RBM20: variants seen among roughly 807,000 people sequenced by gnomAD.
The protein encoded by RBM20 is RNA-binding protein 20.
RBM20 carries 51 observed loss-of-function variants against 110.1 expected under a neutral mutation model. The observed-to-expected ratio is 0.46, with a 90% CI of 0.37 to 0.59. RBM20 has a LOEUF of 0.59. Among genes scored for constraint, RBM20 ranks in the 20% least tolerant of loss-of-function variants. RBM20 has a pLI of 0.00. For synonymous variants in RBM20, 589 were observed against 618.2 expected, an observed-to-expected ratio of 0.95 and a Z score of 0.70; for missense variants, 1,512 against 1,574.9, an observed-to-expected ratio of 0.96 and a Z score of 0.68.
intron 1 of RBM20, among the ~76,000 whole-genome samples, chr10:110,696,447 C>A (rs976716898): frequency 1.3e-5 from 2 of 152,192 alleles, no homozygotes; most frequent in Admixed American, 1.3e-4. Context: ...TGAGCTGTCA[C>A]GTCAGACCTC....
intron 1 of RBM20, among the ~76,000 whole-genome samples, chr10:110,723,619 A>G (rs1048292051): frequency 2.0e-5 from 3 of 152,184 alleles, no homozygotes; most frequent in Admixed American, 6.5e-5. Flanking sequence ...CAGCCATTCT[A>G]GTGGATATGA....
chr10:110,648,461 G>A (rs12240962), intron 1 of RBM20, among the ~76,000 whole-genome samples: 5,976 of 152,298 alleles, frequency 0.039, 367 homozygotes, highest in African/African-American at 0.14. Context: ...TCCAGAGTCA[G>A]AGAGAAGAAA....
At chr10:110,743,953 G>C (rs760345188) in intron 1 of RBM20, among the ~76,000 whole-genome samples, 4 of 152,268 alleles carry the variant, frequency 2.6e-5, no homozygotes, top group Non-Finnish European at 5.9e-5. Flanking sequence ...TGTTGGAAGA[G>C]ATCAGCTTCT....
chr10:110,736,011 C>G (rs1590644487), intron 1 of RBM20, among the ~76,000 whole-genome samples: 1 of 152,176 alleles, frequency 6.6e-6, no homozygotes, highest in African/African-American at 2.4e-5. Context: ...TGGGCAGAAC[C>G]AACCCTTCCA....
chr10:110,702,261 T>C (rs1285641457), intron 1 of RBM20, among the ~76,000 whole-genome samples: 1 of 152,232 alleles, frequency 6.6e-6, no homozygotes, highest in Non-Finnish European at 1.5e-5. Flanking sequence ...GCGTATCAGC[T>C]GAGTGTGGTG....
intron 1 of RBM20, among the ~76,000 whole-genome samples, chr10:110,645,413 T>A (rs1404162581): frequency 6.6e-6 from 1 of 152,238 alleles, no homozygotes; most frequent in Non-Finnish European, 1.5e-5. Context: ...GTTGGTTTAT[T>A]TGAAGGATCT....
intron 1 of RBM20, among the ~76,000 whole-genome samples, chr10:110,714,292 G>A (rs1003862677): frequency 1.3e-5 from 2 of 152,166 alleles, no homozygotes; most frequent in African/African-American, 4.8e-5. Flanking sequence ...AGTTCTTGGA[G>A]GTCAATGAAA....
chr10:110,666,611 A>T (rs1310522289), intron 1 of RBM20, among the ~76,000 whole-genome samples: 2 of 152,134 alleles, frequency 1.3e-5, no homozygotes, highest in Non-Finnish European at 2.9e-5. Context: ...ATACCACTGC[A>T]CTCCAGCCTG....
intron 5 of RBM20, among the ~76,000 whole-genome samples, chr10:110,790,914 C>T (rs531977562): frequency 1.1e-4 from 16 of 152,242 alleles, no homozygotes; most frequent in Non-Finnish European, 1.9e-4. Context: ...TCATATACAG[C>T]GTGGACCAGA....
chr10:110,799,708 G>C (rs184524202), intron 6 of RBM20, 79 bp from the exon 7 acceptor site: 13 of 1,392,354 alleles, frequency 9.3e-6, no homozygotes, highest in Non-Finnish European at 1.1e-5. Flanking sequence ...CTTCATAGAC[G>C]TGGAATCATG....
intron 1 of RBM20, among the ~76,000 whole-genome samples, chr10:110,767,245 G>T (rs1590664649): frequency 7.2e-6 from 1 of 139,006 alleles, no homozygotes; most frequent in East Asian, 2.2e-4. Context: ...CGGACGGGGT[G>T]GCTGGCCGGG....
chr10:110,787,824 G>A (rs910721975), intron 5 of RBM20, among the ~76,000 whole-genome samples: 3 of 152,086 alleles, frequency 2.0e-5, no homozygotes, highest in African/African-American at 7.2e-5. Context: ...GGAGCTAGGA[G>A]GGGACAGAGA....
At position 110,835,963 on chromosome 10, in the gene RBM20, A is replaced by T. The variant is rs1290645091; in HGVS notation, c.3669A>T (p.Glu1223Asp). ...PEDSGIVPRFERKKL is the reference protein window; with the variant it reads ...PEDSGIVPRFDRKKL ...ACAGCGGAATCGTGCCACGCTTCGA[A>T]AGGAAAAAGCTCTGATGCTTCTGCT... is the stretch of plus-strand genomic sequence containing the variant. Residue 1223 changes from glutamate (E) to aspartate (D), a missense_variant, in exon 14 of 14, where the codon GAA becomes GAT. Glu to Asp is a conservative substitution (Grantham distance 45). This residue lies in a region of RBM20 where 358 missense variants were observed against 384.2 expected (regional missense o/e 0.93). Coordinates refer to ENST00000369519, the MANE Select transcript of RBM20 (RefSeq NM_001134363.3). The T allele has an allele frequency of 4.1e-6, 5 of 1,230,470 alleles. No individual in the cohort carries two copies. The highest frequency in any genetic ancestry group is 5.8e-6 in the Non-Finnish European group (5 of 861,706). 76.2% of individuals were successfully genotyped at this position (1,230,470 alleles called of 1,614,324 possible).
chr10:110,673,639 A>G (rs1170388943), intron 1 of RBM20, among the ~76,000 whole-genome samples: 2 of 152,262 alleles, frequency 1.3e-5, no homozygotes, highest in Admixed American at 1.3e-4. Flanking sequence ...CACTAAGGCC[A>G]CAGGCGAGGA....
chr10:110,763,928 C>G (rs1342159233), intron 1 of RBM20, among the ~76,000 whole-genome samples: 4 of 152,014 alleles, frequency 2.6e-5, no homozygotes, highest in Non-Finnish European at 5.9e-5. Flanking sequence ...TGGTCTCTGC[C>G]CAGTAGATGC....
intron 1 of RBM20, among the ~76,000 whole-genome samples, chr10:110,706,203 G>T (rs955920827): frequency 6.6e-6 from 1 of 152,218 alleles, no homozygotes; most frequent in Non-Finnish European, 1.5e-5. Context: ...TAGCAGTTTG[G>T]TTGTGTAGCT....
At position 110,781,383 on chromosome 10, in the gene RBM20, G is replaced by A. The variant is rs569846404; in HGVS notation, c.774G>A (p.Ser258=). 8.8e-5 allele frequency: 137 copies of A among 1,551,624 alleles called. No homozygotes were observed. The highest frequency in any genetic ancestry group is 7.6e-4 in the South Asian group (64 of 84,058). ...TCCTGCCATCCTCGGCCTCAACCTC[G>A]GGCAGTGTGACCTATGAAGGGCACT... is the stretch of plus-strand genomic sequence containing the variant. ...PGFLPSSAST[S]GSVTYEGHYS... The change falls in exon 2 of 14, where the codon TCG becomes TCA. Residue 258 remains serine (S), a synonymous_variant. Coordinates refer to ENST00000369519, the MANE Select transcript of RBM20 (RefSeq NM_001134363.3).
In RBM20 at chr10:110,784,423, G is replaced by C; in HGVS notation, c.1420G>C (p.Gly474Arg). Residue 474 changes from glycine (G) to arginine (R), a missense_variant, in exon 4 of 14, where the codon GGG (glycine) becomes CGG (arginine). Around this residue, in one of 3 missense-constraint regions of RBM20, gnomAD observed 1,149 missense variants for 1,169.4 expected, o/e 0.98. Coordinates refer to ENST00000369519, the MANE Select transcript of RBM20 (RefSeq NM_001134363.3). Reference protein sequence around the residue: ...PNSTAVYNPAGNEDYASNLGT... With the variant: ...PNSTAVYNPARNEDYASNLGT... ...CAGCACAGCTGTTTATAACCCTGCT[G>C]GGAATGAAGGTGAGCAAGGCCCTAC... The C allele has an allele frequency of 6.4e-7, 1 of 1,551,148 alleles. No individual in the cohort carries two copies. Among genetic ancestry groups the C allele is most frequent in the East Asian group, 2.4e-5 (1 of 40,920 alleles).
intron 1 of RBM20, among the ~76,000 whole-genome samples, chr10:110,737,846 A>G (rs1306225160): frequency 2.0e-5 from 3 of 152,208 alleles, no homozygotes; most frequent in Non-Finnish European, 4.4e-5. Flanking sequence ...TGGCTATTAC[A>G]AAGAATGTTG....
Sources: gnomAD v4.1 joint callset for allele counts (sites outside exome capture counted in the v4.1 genomes callset) on GRCh38, gnomAD v4.1.1 for gene constraint, gnomAD v4.1.1 regional missense constraint, MANE v1.5 for transcripts, NCBI Gene and HGNC (gene_info 2026-07-23, HGNC 2026-07-21) for gene names.